NAALADL2: variants seen among roughly 807,000 people sequenced by gnomAD.
NAALADL2 encodes N-acetylated alpha-linked acidic dipeptidase like 2.
In NAALADL2, 76 loss-of-function variants were observed where a neutral mutation model predicts 87.2. The ratio of observed to expected loss-of-function variants is 0.87; its 90% confidence interval spans 0.72 to 1.05. The LOEUF (loss-of-function observed/expected upper bound fraction) is 1.05. Among genes scored for constraint, NAALADL2 ranks in the 50% least tolerant of loss-of-function variants. The pLI is 0.00. For missense variants in NAALADL2, 1,089 were observed against 945.8 expected (o/e 1.15, Z -1.99); for synonymous variants, 354 against 331.0 (o/e 1.07, Z -0.75).
chr3:174,825,966 G>A lies in NAALADL2; in HGVS notation c.-9+88220G>A, dbSNP rs375309089. 2.1e-4 allele frequency among the ~76,000 whole-genome samples: 32 copies of A among 152,054 alleles called. 1 individual carries two copies. The highest frequency in any genetic ancestry group is 1.8e-3 in the Admixed American group (27 of 15,258). On this transcript the variant is annotated intron_variant, in intron 3 of 3. Coordinates refer to the NAALADL2 transcript ENST00000434257. ...GGCGTGAACCCTGGAGGCGGAGCTT[G>A]CAGTGAGCCGAGATGGCGCCACTGC...
At chr3:175,052,293 G>T (rs1430996130) in intron 1 of NAALADL2, among the ~76,000 whole-genome samples, 1 of 152,168 alleles carries the variant, frequency 6.6e-6, no homozygotes, top group African/African-American at 2.4e-5. Flanking sequence ...CCTTCCAGGT[G>T]GGTGTCATGG....
intron 1 of NAALADL2, chr3:175,059,944 A>G: frequency 2.4e-6 from 1 of 423,932 alleles, no homozygotes; most frequent in South Asian, 2.0e-5. Flanking sequence ...TTGTGGTGGC[A>G]CATAACCTTC....
At chr3:175,113,990 A>C (rs573768961) in intron 2 of NAALADL2, among the ~76,000 whole-genome samples, 1 of 151,778 alleles carries the variant, frequency 6.6e-6, no homozygotes, top group African/African-American at 2.4e-5. Flanking sequence ...CAAAGAATCA[A>C]GTGTTACTTT....
intron 2 of NAALADL2, among the ~76,000 whole-genome samples, chr3:174,591,844 T>C (rs1717392016): frequency 6.6e-6 from 1 of 152,172 alleles, no homozygotes; most frequent in South Asian, 2.1e-4. Context: ...TTATGAGTTT[T>C]GCTGTTTTGG....
chr3:175,582,904 C>A (rs902962486), intron 10 of NAALADL2, among the ~76,000 whole-genome samples: 13 of 152,134 alleles, frequency 8.5e-5, no homozygotes, highest in Non-Finnish European at 1.2e-4. Flanking sequence ...CACAGTAAGA[C>A]CCTTTCTGGA....
intron 10 of NAALADL2, among the ~76,000 whole-genome samples, chr3:175,597,389 T>G (rs1048772397): frequency 6.6e-6 from 1 of 151,990 alleles, no homozygotes; most frequent in Admixed American, 6.6e-5. Context: ...GTTAAGATCT[T>G]TTAGTGAGAA....
At chr3:175,681,523 T>G (rs567039735) in intron 11 of NAALADL2, among the ~76,000 whole-genome samples, 1 of 152,332 alleles carries the variant, frequency 6.6e-6, no homozygotes, top group African/African-American at 2.4e-5. Context: ...TTGTATGCAT[T>G]TTTACTATAA....
At chr3:174,932,452 A>G (rs762435536) in intron 1 of NAALADL2, among the ~76,000 whole-genome samples, 19 of 152,196 alleles carry the variant, frequency 1.2e-4, no homozygotes, top group Non-Finnish European at 2.2e-4. Context: ...CTTTCCGGGT[A>G]TAGGAACAAT....
chr3:175,742,925 C>G (rs1476016562), intron 12 of NAALADL2, among the ~76,000 whole-genome samples: 1 of 152,022 alleles, frequency 6.6e-6, no homozygotes, highest in South Asian at 2.1e-4. Context: ...TTTCTTTTCT[C>G]CCGGTGTAGG....
intron 2 of NAALADL2, among the ~76,000 whole-genome samples, chr3:175,218,409 G>C (rs1742864657): frequency 2.0e-5 from 3 of 152,058 alleles, no homozygotes; most frequent in Admixed American, 2.0e-4. Context: ...GGTAATCTGA[G>C]TTTTCTTACA....
At position 174,644,352 on chromosome 3, in the gene NAALADL2, G is replaced by A. The variant is rs116679607; in HGVS notation, c.-114-93289G>A. 5.8e-3 allele frequency among the ~76,000 whole-genome samples: 887 copies of A among 152,216 alleles called. 4 individuals carry two copies. The highest frequency in any genetic ancestry group is 0.02 in the African/African-American group (850 of 41,526). On this transcript the variant is annotated intron_variant, in intron 2 of 3. Transcript: ENST00000434257. ...AAGTTGGCTAAAGAATAGAAAATAT[G>A]GTTATGAAAAGCATAAGGAAGAGAA... is the stretch of plus-strand genomic sequence containing the variant.
chr3:174,703,624 T>C (rs1729779327), intron 2 of NAALADL2, among the ~76,000 whole-genome samples: 1 of 152,148 alleles, frequency 6.6e-6, no homozygotes, highest in Admixed American at 6.5e-5. Flanking sequence ...GAAATCATCA[T>C]CACCTATAAA....
intron 1 of NAALADL2, among the ~76,000 whole-genome samples, chr3:174,453,264 T>C (rs1170821574): frequency 6.6e-6 from 1 of 152,022 alleles, no homozygotes; most frequent in Non-Finnish European, 1.5e-5. Flanking sequence ...AAAAAAACCC[T>C]CTGAGAAATA....
intron 1 of NAALADL2, among the ~76,000 whole-genome samples, chr3:174,503,799 A>T (rs893098976): frequency 2.0e-5 from 3 of 152,160 alleles, no homozygotes; most frequent in African/African-American, 7.2e-5. Context: ...ATAATTTTAC[A>T]GATACAAAAA....
At chr3:174,603,702 G>T (rs1278623245) in intron 2 of NAALADL2, among the ~76,000 whole-genome samples, 2 of 151,682 alleles carry the variant, frequency 1.3e-5, no homozygotes, top group East Asian at 3.9e-4. Context: ...CTTATTCTAT[G>T]TAGGCACTTA....
chr3:174,725,059 C>T (rs905049860), intron 2 of NAALADL2, among the ~76,000 whole-genome samples: 5 of 152,140 alleles, frequency 3.3e-5, no homozygotes, highest in African/African-American at 1.2e-4. Context: ...TGAAGAGTGA[C>T]ATTTACTAAA....
chr3:175,717,101 C>G (rs551808680), intron 11 of NAALADL2, among the ~76,000 whole-genome samples: 10 of 152,216 alleles, frequency 6.6e-5, no homozygotes, highest in African/African-American at 2.4e-4. Flanking sequence ...AATGACATAG[C>G]CTTTGAATTG....
intron 9 of NAALADL2, among the ~76,000 whole-genome samples, chr3:175,493,481 T>C (rs994293095): frequency 6.6e-6 from 1 of 152,116 alleles, no homozygotes; most frequent in African/African-American, 2.4e-5. Flanking sequence ...CTCAAGTTAA[T>C]CCAAGCTCAA....
At chr3:175,622,569 C>T (rs898923957) in intron 10 of NAALADL2, among the ~76,000 whole-genome samples, 1 of 151,996 alleles carries the variant, frequency 6.6e-6, no homozygotes, top group Admixed American at 6.6e-5. Context: ...AGTAGATTGA[C>T]GACGAAGATG....
Sources: allele counts gnomAD v4.1 joint callset (sites outside exome capture counted in the v4.1 genomes callset), GRCh38; gene constraint gnomAD v4.1.1; transcripts MANE v1.5; gene names NCBI Gene and HGNC (gene_info 2026-07-23, HGNC 2026-07-21).